NFIB: variants seen among roughly 807,000 people sequenced by gnomAD.
NFIB encodes the protein nuclear factor 1 B-type.
Under a neutral mutation model 61.5 loss-of-function variants are expected in NFIB, and 11 were observed. The ratio of observed to expected loss-of-function variants is 0.18; its 90% CI spans 0.11 to 0.30. NFIB has a LOEUF of 0.30. Among genes scored for constraint, NFIB ranks in the 10% least tolerant of loss-of-function variants. The pLI is 1.00. For synonymous variants in NFIB, 260 were observed against 216.5 expected (o/e 1.20, Z -1.76); for missense variants, 471 against 608.9 (o/e 0.77, Z 2.38).
chr9:14,356,846 T>A (rs2061181727), intron 1 of NFIB, among the ~76,000 whole-genome samples: 2 of 152,166 alleles, frequency 1.3e-5, no homozygotes, highest in African/African-American at 4.8e-5. Context: ...CTGAAAGGAA[T>A]GTCAGTCACC....
At chr9:14,492,139 G>A in the NFIB span, among the ~76,000 whole-genome samples, 12 of 152,044 alleles carry the variant, frequency 7.9e-5, no homozygotes, top group African/African-American at 2.7e-4. Context: ...CAAGGCGGGT[G>A]GATCACAAGG....
At chr9:14,506,158 A>C in the NFIB span, among the ~76,000 whole-genome samples, 1 of 152,226 alleles carries the variant, frequency 6.6e-6, no homozygotes, top group Admixed American at 6.5e-5. Context: ...TAAGTTTTAC[A>C]TCCTACAAAG....
intron 3 of NFIB, among the ~76,000 whole-genome samples, chr9:14,171,643 G>A (rs552939616): frequency 2.0e-5 from 3 of 152,082 alleles, no homozygotes; most frequent in South Asian, 4.1e-4. Context: ...TCTAACCAAG[G>A]GTATCTAGAT....
the NFIB span, among the ~76,000 whole-genome samples, chr9:14,429,287 C>T: frequency 6.6e-6 from 1 of 152,198 alleles, no homozygotes; most frequent in East Asian, 1.9e-4. Flanking sequence ...TATACATCCC[C>T]TTACCTAATT....
rs918640577 is a variant in NFIB, at chr9:14,082,193, T to G, written c.*6116A>C. The G allele has an allele frequency of 4.9e-6, 1 of 206,134 alleles. No homozygotes were observed. The allele number at this position is 206,134 out of a possible 1,614,324, so 12.8% of individuals were successfully genotyped here. A position where few individuals can be genotyped will look rare whatever the true frequency, so the allele number is the denominator to read the frequency against. Reference sequence around the variant, plus strand: ...TGCTAAAGGTTTGTTACATGGAGATTGTGCATGTGCCTCCTTTTGTAAAAA... The same window carrying G: ...TGCTAAAGGTTTGTTACATGGAGATGGTGCATGTGCCTCCTTTTGTAAAAA... On this transcript the variant is annotated 3_prime_UTR_variant, in exon 11 of 11. Coordinates refer to ENST00000380953, the MANE Select transcript of NFIB (RefSeq NM_001190737.2).
intron 2 of NFIB, among the ~76,000 whole-genome samples, chr9:14,265,538 C>G (rs2057123794): frequency 6.6e-6 from 1 of 152,206 alleles, no homozygotes; most frequent in African/African-American, 2.4e-5. Flanking sequence ...TTGCCAGTGC[C>G]TTGATCTTGG....
chr9:14,517,164 T>G, the NFIB span, among the ~76,000 whole-genome samples: 1 of 152,184 alleles, frequency 6.6e-6, no homozygotes, highest in African/African-American at 2.4e-5. Context: ...TTCACATAAT[T>G]TAATTTGTTC....
chr9:14,497,018 G>T, the NFIB span, among the ~76,000 whole-genome samples: 1 of 152,150 alleles, frequency 6.6e-6, no homozygotes, highest in Admixed American at 6.5e-5. Flanking sequence ...CACACATTCA[G>T]ATCTACTACT....
chr9:14,337,098 A>G (rs894325679), intron 1 of NFIB, among the ~76,000 whole-genome samples: 3 of 152,330 alleles, frequency 2.0e-5, no homozygotes, highest in East Asian at 3.9e-4. Context: ...CAACCCATAT[A>G]AGAGCAGTTA....
the NFIB span, among the ~76,000 whole-genome samples, chr9:14,430,874 G>T: frequency 6.6e-6 from 1 of 152,050 alleles, no homozygotes; most frequent in African/African-American, 2.4e-5. Flanking sequence ...GAGCCACCAC[G>T]TCCGGCCCTG....
chr9:14,204,702 A>C, intron 2 of NFIB: 1 of 610,840 alleles, frequency 1.6e-6, no homozygotes, highest in Non-Finnish European at 2.9e-6. Flanking sequence ...AAGAAAGCTC[A>C]GTTGGTGGTG....
At position 14,307,529 on chromosome 9, in the gene NFIB, G is replaced by C; in HGVS notation, c.31-9C>G. ...AATGGGTGAAATTCATCCTGTGGAA[G>C]ACAGAGGGGTGAGGAAAAGATGTGC... On this transcript the variant is annotated splice_polypyrimidine_tract_variant and intron_variant, in intron 1 of 10. Coordinates refer to ENST00000380953, the MANE Select transcript of NFIB (RefSeq NM_001190737.2). The surrounding 1 kb of genome is among the most constrained non-coding windows in gnomAD (Gnocchi z 5.3). 1 of 1,575,574 alleles carries C rather than the reference G, an allele frequency of 6.3e-7. No individual in the cohort carries two copies. The highest frequency in any genetic ancestry group is 1.2e-5 in the South Asian group (1 of 86,450).
chr9:14,434,605 C>G, the NFIB span, among the ~76,000 whole-genome samples: 1 of 152,152 alleles, frequency 6.6e-6, no homozygotes, highest in Non-Finnish European at 1.5e-5. Flanking sequence ...TTTCTCCCCG[C>G]CAGAATAGCT....
the NFIB span, among the ~76,000 whole-genome samples, chr9:14,518,266 A>C: frequency 6.6e-6 from 1 of 151,966 alleles, no homozygotes; most frequent in African/African-American, 2.4e-5. Context: ...TTTGGGGCAA[A>C]GTAGGCAATA....
At chr9:14,180,696 G>C (rs2046671323) in intron 2 of NFIB, 1 of 152,070 alleles carries the variant, frequency 6.6e-6, no homozygotes, top group Non-Finnish European at 1.5e-5. Context: ...ATTGGTTCTA[G>C]CATTTAAGTT....
intron 1 of NFIB, among the ~76,000 whole-genome samples, chr9:14,372,987 T>TG (rs1012625585): frequency 7.8e-6 from 1 of 128,954 alleles, no homozygotes; most frequent in South Asian, 2.4e-4. Flanking sequence ...GGAACGGTGG[T>TG]GGGGGGTGGG....
chr9:14,398,846 T>G lies in NFIB; in HGVS notation c.-215A>C, dbSNP rs1588423925. Reference sequence around the variant, plus strand: ...AAATAGAACAAGAACAAAGGGGTCCTGTACACTCGAGGAGTTTACTCCACT... The same window carrying G: ...AAATAGAACAAGAACAAAGGGGTCCGGTACACTCGAGGAGTTTACTCCACT... On this transcript the variant is annotated 5_prime_UTR_variant, in exon 1 of 9. Coordinates refer to the NFIB transcript ENST00000380934. 6.0e-5 allele frequency: 28 copies of G among 470,100 alleles called. 1 individual carries two copies. In the South Asian group the frequency reaches 9.2e-4, roughly 15 times the overall value. The allele number at this position is 470,100 out of a possible 1,614,324, so 29.1% of individuals were successfully genotyped here. A position where few individuals can be genotyped will look rare whatever the true frequency, so the allele number is the denominator to read the frequency against.
the NFIB span, among the ~76,000 whole-genome samples, chr9:14,411,141 G>T: frequency 0.014 from 2,092 of 152,218 alleles, 57 homozygotes; most frequent in African/African-American, 0.047. Flanking sequence ...ATTTCATTTA[G>T]AAATCTTCTA....
intron 2 of NFIB, among the ~76,000 whole-genome samples, chr9:14,190,701 A>T (rs1400391770): frequency 4.6e-5 from 7 of 152,242 alleles, no homozygotes; most frequent in Non-Finnish European, 1.0e-4. Flanking sequence ...ACTCAATTAT[A>T]CTGATAAAAT....
Sources: gnomAD v4.1 joint callset for allele counts (sites outside exome capture counted in the v4.1 genomes callset) on GRCh38, gnomAD v4.1.1 for gene constraint, Gnocchi (gnomAD v3.1) non-coding constraint, MANE v1.5 for transcripts, NCBI Gene and HGNC (gene_info 2026-07-23, HGNC 2026-07-21) for gene names.